PXDN: variants seen among roughly 807,000 people sequenced by gnomAD.
The protein encoded by PXDN is peroxidasin.
PXDN carries 77 observed loss-of-function variants against 140.3 expected under a neutral mutation model. That is an observed-to-expected ratio of 0.55 (90% confidence interval 0.46 to 0.66). PXDN has a LOEUF of 0.66. Among genes scored for constraint, PXDN ranks in the 30% least tolerant of loss-of-function variants. PXDN has a pLI of 0.00. For synonymous variants in PXDN, 911 were observed against 857.4 expected (o/e 1.06, Z -1.09); for missense variants, 1,838 against 2,039.5 (o/e 0.90, Z 1.90).
rs542817169 is a variant in PXDN at position 1,684,357 on chromosome 2, T to C, written c.417-206A>G. Among the ~76,000 whole-genome samples, 60 of 152,218 alleles carry C rather than the reference T, an allele frequency of 3.9e-4. No individual in the cohort carries two copies. In the South Asian group the frequency reaches 1.0e-2, roughly 25 times the overall value. ...GAACACTAGGCACAGATGTCCACCC[T>C]AGTGACTGGATAAGGGCGAGGGAGG... On this transcript the variant is annotated intron_variant, in intron 4 of 22. Coordinates refer to ENST00000252804, the MANE Select transcript of PXDN (RefSeq NM_012293.3).
intron 9 of PXDN, among the ~76,000 whole-genome samples, chr2:1,670,507 C>T: frequency 6.6e-6 from 1 of 151,990 alleles, no homozygotes; most frequent in Non-Finnish European, 1.5e-5. Context: ...GACTTTCTAC[C>T]TTTTTTATAT....
chr2:1,717,114 C>T (rs1684913895), intron 1 of PXDN, among the ~76,000 whole-genome samples: 1 of 152,194 alleles, frequency 6.6e-6, no homozygotes, highest in Non-Finnish European at 1.5e-5. Flanking sequence ...AGCCATCGAT[C>T]TTAAAATGCT....
intron 9 of PXDN, among the ~76,000 whole-genome samples, chr2:1,667,422 G>C (rs1005950510): frequency 2.0e-5 from 3 of 152,016 alleles, no homozygotes; most frequent in African/African-American, 7.2e-5. Flanking sequence ...CTACACAAAT[G>C]AACTAGAAAA....
At chr2:1,661,793 A>G (rs1683310404) in intron 13 of PXDN, among the ~76,000 whole-genome samples, 1 of 152,268 alleles carries the variant, frequency 6.6e-6, no homozygotes, top group Admixed American at 6.5e-5. Context: ...AAGATCAAAA[A>G]AATGGAATGC....
At position 1,651,523 on chromosome 2, in the gene PXDN, C is replaced by T. The variant is rs1040041955; in HGVS notation, c.2105-1848G>A. The stretch of plus-strand genomic sequence containing the variant: ...ACAGCCAACGACATATCCTTATATT[C>T]GCTCCCAGGCCCTTTCTGGTGGAGC... On this transcript the variant is annotated intron_variant, in intron 16 of 22. Transcript: ENST00000252804. This position sits in a 1 kb window ranked among gnomAD's most constrained non-coding sequence, Gnocchi z 4.4. Among the ~76,000 whole-genome samples the T allele has an allele frequency of 2.0e-5, 3 of 152,224 alleles. No individual in the cohort carries two copies. Among genetic ancestry groups the T allele is most frequent in the East Asian group, 1.9e-4 (1 of 5,198 alleles).
intron 1 of PXDN, among the ~76,000 whole-genome samples, chr2:1,701,969 G>C (rs1402936822): frequency 6.6e-6 from 1 of 152,192 alleles, no homozygotes; most frequent in African/African-American, 2.4e-5. Context: ...AGCCTCCAGA[G>C]CTGCAGGGGT....
chr2:1,663,937 C>A lies in PXDN; in HGVS notation c.1409-174G>T, dbSNP rs1045916561. 4.4e-6 allele frequency: 3 copies of A among 678,240 alleles called. No homozygotes were observed. The African/African-American group carries it at 5.4e-5, about 12-fold the overall frequency. The allele number at this position is 678,240 out of a possible 1,614,324, so 42.0% of individuals were successfully genotyped here. ...TCCCCAGCAGACACCATGGTGACAC[C>A]TGAACGTCCCTGCACCCGTAACTCA... On this transcript the variant is annotated intron_variant, in intron 11 of 22. Coordinates refer to ENST00000252804, the MANE Select transcript of PXDN (RefSeq NM_012293.3).
At chr2:1,703,531 G>A (rs67242860) in intron 1 of PXDN, among the ~76,000 whole-genome samples, 899 of 5,938 alleles carry the variant, frequency 0.15, 1 homozygote, top group Middle Eastern at 0.5. Flanking sequence ...AGGGGGGACA[G>A]CTCCAGGTGA....
At chr2:1,712,994 G>A (rs1299690427) in intron 1 of PXDN, among the ~76,000 whole-genome samples, 1 of 152,146 alleles carries the variant, frequency 6.6e-6, no homozygotes, top group Non-Finnish European at 1.5e-5. Flanking sequence ...CAAAGTGCTG[G>A]GACTACAGGC....
chr2:1,652,360 G>T (rs1179838214), intron 16 of PXDN, among the ~76,000 whole-genome samples: 1 of 152,114 alleles, frequency 6.6e-6, no homozygotes, highest in Non-Finnish European at 1.5e-5. Flanking sequence ...TCTACCAGGA[G>T]ACTGGCACCA....
intron 1 of PXDN, among the ~76,000 whole-genome samples, chr2:1,715,391 G>A (rs1449893965): frequency 1.3e-5 from 2 of 152,208 alleles, no homozygotes; most frequent in Non-Finnish European, 2.9e-5. Flanking sequence ...AACAGCGACG[G>A]AGCGGGAGCC....
At chr2:1,674,877 A>T (rs1464557066) in intron 8 of PXDN, among the ~76,000 whole-genome samples, 1 of 152,094 alleles carries the variant, frequency 6.6e-6, no homozygotes, top group Non-Finnish European at 1.5e-5. Flanking sequence ...GAGTTTCCTA[A>T]GGAGCCTGTG....
At chr2:1,698,869 C>T (rs1157962130) in intron 1 of PXDN, among the ~76,000 whole-genome samples, 1 of 152,162 alleles carries the variant, frequency 6.6e-6, no homozygotes, top group Non-Finnish European at 1.5e-5. Flanking sequence ...TTTCAATTTA[C>T]AGTCTCAAAA....
rs1682940516 is a variant in PXDN, at chr2:1,649,127, A to G, written c.2653T>C (p.Cys885Arg). Residue 885 changes from cysteine (C) to arginine (R), a missense_variant, in exon 17 of 23, where the codon TGC (cysteine) becomes CGC (arginine). Cys to Arg is a radical substitution (Grantham distance 180). This residue lies in a region of PXDN where 850 missense variants were observed against 894.1 expected (regional missense o/e 0.95). Transcript: ENST00000252804. The surrounding 1 kb of genome is among the most constrained non-coding windows in gnomAD (Gnocchi z 7.1). ...AGCAGCGAAGTCATGCCGCTGCCGC[A>G]CACAGGGCTGGAGCGCACGAAGAAC... ...CMFFVRSSPV[C>R]GSGMTSLLMN... 3.1e-6 allele frequency: 5 copies of G among 1,612,104 alleles called. No homozygotes were observed. The highest frequency in any genetic ancestry group is 4.2e-6 in the Non-Finnish European group (5 of 1,179,634).
intron 6 of PXDN, 46 bp from the exon 7 acceptor site, chr2:1,680,408 T>C (rs752415868): frequency 1.2e-6 from 2 of 1,603,254 alleles, no homozygotes; most frequent in Non-Finnish European, 1.7e-6. Flanking sequence ...GTGGCTGGGC[T>C]TGTCCATCCA....
At chr2:1,705,346 C>T (rs1166504257) in intron 1 of PXDN, among the ~76,000 whole-genome samples, 1 of 152,110 alleles carries the variant, frequency 6.6e-6, no homozygotes, top group Non-Finnish European at 1.5e-5. Context: ...CCCATGAGCC[C>T]AGATGCAGGG....
intron 18 of PXDN, among the ~76,000 whole-genome samples, chr2:1,644,071 CAAAAAAAAAAAA>C (rs74164529): frequency 1.3e-4 from 5 of 38,450 alleles, no homozygotes; most frequent in South Asian, 4.3e-3. Flanking sequence ...GACTCTGTCT[CAAAAAAAAAAAA>C]AAAAAAAAAA....
chr2:1,638,811 T>C, intron 21 of PXDN, 35 bp downstream of exon 21: 1 of 1,613,610 alleles, frequency 6.2e-7, no homozygotes, highest in Non-Finnish European at 8.5e-7. Flanking sequence ...TGTGGAATCT[T>C]GGAGTGGGGG....
intron 14 of PXDN, among the ~76,000 whole-genome samples, chr2:1,654,987 G>A (rs1683095920): frequency 6.6e-6 from 1 of 151,790 alleles, no homozygotes; most frequent in South Asian, 2.1e-4. Context: ...TCTCACCTGT[G>A]GACTTGTATC....
Sources: gnomAD v4.1 joint callset for allele counts (sites outside exome capture counted in the v4.1 genomes callset) on GRCh38, gnomAD v4.1.1 for gene constraint, gnomAD v4.1.1 regional missense constraint, Gnocchi (gnomAD v3.1) non-coding constraint, MANE v1.5 for transcripts, NCBI Gene and HGNC (gene_info 2026-07-23, HGNC 2026-07-21) for gene names.